The following FAM149A variants were observed in gnomAD, a reference collection of about 807,000 sequenced individuals.
FAM149A encodes protein FAM149A.
Under a neutral mutation model 78.2 loss-of-function variants are expected in FAM149A, and 71 were observed. The ratio of observed to expected loss-of-function variants is 0.91; its 90% CI spans 0.75 to 1.11. FAM149A has a LOEUF of 1.11. FAM149A is among the 50% of genes least tolerant of loss of function. FAM149A has a pLI of 0.00. For synonymous variants in FAM149A, 446 were observed against 410.5 expected (o/e 1.09, Z -1.04); for missense variants, 1,036 against 971.0 (o/e 1.07, Z -0.89).
chr4:186,138,369 C>T (rs577078418), intron 1 of FAM149A, among the ~76,000 whole-genome samples: 1 of 152,096 alleles, frequency 6.6e-6, no homozygotes, highest in South Asian at 2.1e-4. Context: ...TTGGGGGTTA[C>T]AATTATATTT....
At chr4:186,127,899 G>A (rs2126332901) in intron 1 of FAM149A, among the ~76,000 whole-genome samples, 1 of 151,496 alleles carries the variant, frequency 6.6e-6, no homozygotes, top group South Asian at 2.1e-4. Flanking sequence ...TGTTGGCCAG[G>A]CTGGTCTCAA....
chr4:186,107,667 C>T (rs1431578603), intron 1 of FAM149A: 1 of 152,454 alleles, frequency 6.6e-6, no homozygotes, highest in Non-Finnish European at 1.5e-5. Context: ...CTCAAGCAAT[C>T]TTCCCACCTG....
At chr4:186,112,856 C>G (rs1410042108) in intron 1 of FAM149A, among the ~76,000 whole-genome samples, 2 of 83,568 alleles carry the variant, frequency 2.4e-5, no homozygotes, top group Non-Finnish European at 4.7e-5. Context: ...GTCTAAAATT[C>G]TCTTTTTTGG....
At position 186,157,717 on chromosome 4, in the gene FAM149A, C is replaced by T; in HGVS notation, c.1573C>T (p.Gln525Ter). 6.2e-7 allele frequency: 1 copy of T among 1,604,996 alleles called. No homozygotes were observed. Among genetic ancestry groups the T allele is most frequent in the Non-Finnish European group, 8.5e-7 (1 of 1,175,100 alleles). The change falls in exon 8 of 14, where the codon CAG becomes TAG. Residue 525 changes from glutamine to a stop codon, truncating the protein, a stop_gained and splice_region_variant. Coordinates refer to ENST00000389354, the MANE Select transcript of FAM149A (RefSeq NM_001367768.3). LOFTEE classifies it high-confidence loss of function. The stretch of plus-strand genomic sequence containing the variant: ...CCTGGCTTCTCGTCTGAACCCGCCC[C>T]AGGTCGGTGCTTTCACACCCTTCTC...
chr4:186,163,711 C>T (rs1561416691), intron 10 of FAM149A, 78 bp downstream of exon 10: 1 of 1,061,430 alleles, frequency 9.4e-7, no homozygotes, highest in Non-Finnish European at 1.4e-6. Flanking sequence ...TATGGATCAT[C>T]CTGGACAAAG....
Position 186,167,213 on chromosome 4 carries a change from A to G in FAM149A, c.2169A>G (p.Thr723=), listed in dbSNP as rs1561419408. 3.1e-6 allele frequency: 5 copies of G among 1,611,462 alleles called. No individual in the cohort carries two copies. Among genetic ancestry groups the G allele is most frequent in the Non-Finnish European group, 2.5e-6 (3 of 1,177,608 alleles). ...ATACGCCTCGAAAAAGTTCATTGACACAAATGGAATTTGCTGCTCACACAT... is the reference window on the plus strand; with the variant it reads ...ATACGCCTCGAAAAAGTTCATTGACGCAAATGGAATTTGCTGCTCACACAT... The change falls in exon 13 of 14, where the codon ACA becomes ACG. Residue 723 remains threonine, a synonymous_variant. Coordinates refer to ENST00000389354, the MANE Select transcript of FAM149A (RefSeq NM_001367768.3).
chr4:186,144,892 C>A lies in FAM149A; in HGVS notation c.567-4281C>A. 2.1e-6 allele frequency: 2 copies of A among 970,814 alleles called. No individual in the cohort carries two copies. Among genetic ancestry groups the A allele is most frequent in the Non-Finnish European group, 2.4e-6 (2 of 823,970 alleles). 60.1% of individuals were successfully genotyped at this position (970,814 alleles called of 1,614,324 possible). A position where few individuals can be genotyped will look rare whatever the true frequency, so the allele number is the denominator to read the frequency against. ...GTGCGAGCCCCGCGGACCCCGGGCG[C>A]GCCCGGGCCGCCTGAGCTGGGCCAG... is the stretch of plus-strand genomic sequence containing the variant. On this transcript the variant is annotated intron_variant, in intron 1 of 13. Transcript: ENST00000389354. The surrounding 1 kb of genome is among the most constrained non-coding windows in gnomAD (Gnocchi z 4.2).
intron 4 of FAM149A, among the ~76,000 whole-genome samples, chr4:186,152,783 A>T (rs1306886474): frequency 4.6e-5 from 7 of 151,718 alleles, no homozygotes; most frequent in Admixed American, 3.9e-4. Context: ...TGAACTCGTG[A>T]TCCGCCCGCC....
At chr4:186,167,899 G>C (rs12503754) in intron 13 of FAM149A, among the ~76,000 whole-genome samples, 5 of 152,110 alleles carry the variant, frequency 3.3e-5, no homozygotes, top group African/African-American at 7.2e-5. Flanking sequence ...CTGGCCCTCA[G>C]CTTCCTCTTT....
chr4:186,163,474 C>T lies in FAM149A; in HGVS notation c.1730C>T (p.Ser577Phe), dbSNP rs752129593. The change falls in exon 10 of 14, where the codon TCC becomes TTC. Residue 577 changes from serine to phenylalanine, a missense_variant. Transcript: ENST00000389354. Reference sequence around the variant, plus strand: ...GGTGGAGGGGCAGGTGCTCTCTCCTCCGCACCGCACAGACTGGGACGGGCC... The same window carrying T: ...GGTGGAGGGGCAGGTGCTCTCTCCTTCGCACCGCACAGACTGGGACGGGCC... 4 of 1,613,940 alleles carry T rather than the reference C, an allele frequency of 2.5e-6. No individual in the cohort carries two copies. The African/African-American group carries it at 5.3e-5, about 22-fold the overall frequency.
chr4:186,169,593 G>GGCA (rs1273665456), intron 13 of FAM149A: 2 of 985,284 alleles, frequency 2.0e-6, no homozygotes, highest in African/African-American at 3.5e-5. Flanking sequence ...CACCAGCTCA[G>GGCA]GCAGCACACC....
At chr4:186,161,077 C>G (rs1734571349) in intron 8 of FAM149A, among the ~76,000 whole-genome samples, 1 of 151,862 alleles carries the variant, frequency 6.6e-6, no homozygotes, top group Non-Finnish European at 1.5e-5. Flanking sequence ...CTATATAATC[C>G]TTTGTAATTA....
intron 1 of FAM149A, among the ~76,000 whole-genome samples, chr4:186,145,334 G>A (rs1202644611): frequency 3.3e-5 from 5 of 152,170 alleles, no homozygotes; most frequent in Non-Finnish European, 7.4e-5. Flanking sequence ...TGTTGGGTCA[G>A]GGCGGTGTGA....
intron 1 of FAM149A, among the ~76,000 whole-genome samples, chr4:186,119,994 A>G (rs1410926731): frequency 6.6e-6 from 1 of 152,234 alleles, no homozygotes; most frequent in African/African-American, 2.4e-5. Context: ...CGCAGTTTAA[A>G]GAAGCAGGTG....
At chr4:186,126,968 G>A (rs1429953149) in intron 1 of FAM149A, 1 of 985,282 alleles carries the variant, frequency 1.0e-6, no homozygotes, top group Non-Finnish European at 1.2e-6. Flanking sequence ...CCACTGAAGA[G>A]GCTTATTGAA....
In FAM149A at chr4:186,105,510, T is replaced by C. The variant is rs905168366; in HGVS notation, c.434T>C (p.Leu145Pro). Residue 145 changes from leucine to proline, a missense_variant, in exon 1 of 14, where the codon CTC becomes CCC. Leu to Pro is a moderately conservative substitution (Grantham distance 98, BLOSUM62 -3). Transcript: ENST00000389354. ...TGGGCCGCGCTCCCCAGGAACCCGC[T>C]CCAGCCTGGCCCCGGAGAGCGAGAG... is the stretch of plus-strand genomic sequence containing the variant. 79 of 1,171,896 alleles carry C rather than the reference T, an allele frequency of 6.7e-5. No homozygotes were observed. The highest frequency in any genetic ancestry group is 8.2e-5 in the Non-Finnish European group (77 of 940,010). 72.6% of individuals were successfully genotyped at this position (1,171,896 alleles called of 1,614,324 possible). A position where few individuals can be genotyped will look rare whatever the true frequency, so the allele number is the denominator to read the frequency against.
Position 186,154,567 on chromosome 4 carries a change from A to T in FAM149A, c.1158A>T (p.Ser386=). The T allele has an allele frequency of 6.2e-7, 1 of 1,614,216 alleles. No homozygotes were observed. The highest frequency in any genetic ancestry group is 1.1e-5 in the South Asian group (1 of 91,080). ...GGGTTGCTGACCTAACGGCACGTTC[A>T]TCCCTGGAAGAAGAGGTTTACCATG... Residue 386 remains serine (S), a synonymous_variant, in exon 6 of 14, where the codon TCA becomes TCT. Transcript: ENST00000389354.
At chr4:186,158,318 C>T in intron 8 of FAM149A, 6 of 1,211,496 alleles carry the variant, frequency 5.0e-6, no homozygotes, top group African/African-American at 1.6e-5. Context: ...CCTCCCATTG[C>T]TCTGTGGAAC....
chr4:186,141,125 T>C (rs187956075), intron 1 of FAM149A, among the ~76,000 whole-genome samples: 1 of 152,358 alleles, frequency 6.6e-6, no homozygotes, highest in East Asian at 1.9e-4. Context: ...ATGTGATTGT[T>C]GGCCACATGT....
Sources: allele counts gnomAD v4.1 joint callset (sites outside exome capture counted in the v4.1 genomes callset), GRCh38; gene constraint gnomAD v4.1.1; non-coding constraint Gnocchi (gnomAD v3.1); transcripts MANE v1.5; gene names NCBI Gene and HGNC (gene_info 2026-07-23, HGNC 2026-07-21).